PPM1H: variants seen among roughly 807,000 people sequenced by gnomAD.
PPM1H encodes protein phosphatase 1H.
A neutral mutation model predicts 54.9 loss-of-function variants in PPM1H; 27 were observed. The observed-to-expected ratio is 0.49, with a 90% CI of 0.36 to 0.68. The LOEUF is 0.68. Among genes scored for constraint, PPM1H ranks in the 30% least tolerant of loss-of-function variants. The pLI is 0.00. For synonymous variants in PPM1H, 305 were observed against 270.8 expected (o/e 1.13, Z -1.24); for missense variants, 596 against 667.8 (o/e 0.89, Z 1.19).
At chr12:62,677,769 A>G (rs1461544960) in intron 8 of PPM1H, among the ~76,000 whole-genome samples, 3 of 152,198 alleles carry the variant, frequency 2.0e-5, no homozygotes, top group African/African-American at 7.2e-5. Context: ...CACCAGCCAC[A>G]GTGGTTTCCG....
At chr12:62,737,225 A>AC (rs1316696479) in intron 5 of PPM1H, among the ~76,000 whole-genome samples, 4 of 151,052 alleles carry the variant, frequency 2.6e-5, no homozygotes, top group Non-Finnish European at 4.4e-5. Flanking sequence ...ATTAAAAAAA[A>AC]AAAAAAACAA....
chr12:62,817,471 CAA>C (rs2076878078), intron 2 of PPM1H, among the ~76,000 whole-genome samples: 2 of 127,900 alleles, frequency 1.6e-5, no homozygotes, highest in African/African-American at 5.5e-5. Flanking sequence ...CAAAAAAAAA[CAA>C]ACAAACAAAC....
In PPM1H at chr12:62,844,128, C is replaced by T. The variant is rs1466909077; in HGVS notation, c.246-11849G>A. 1.3e-5 allele frequency among the ~76,000 whole-genome samples: 2 copies of T among 152,316 alleles called. No homozygotes were observed. Among genetic ancestry groups the T allele is most frequent in the East Asian group, 3.9e-4 (2 of 5,192 alleles). On this transcript the variant is annotated intron_variant, in intron 1 of 9. Transcript: ENST00000228705. This position sits in a 1 kb window ranked among gnomAD's most constrained non-coding sequence, Gnocchi z 5.2. ...ATTATGATTAAGCATCGAGTTTATT[C>T]CAGCGCAGTGCAAAGCTTAAGAACA...
At chr12:62,653,720 T>A (rs1375509050) in intron 9 of PPM1H, among the ~76,000 whole-genome samples, 1 of 152,158 alleles carries the variant, frequency 6.6e-6, no homozygotes, top group Non-Finnish European at 1.5e-5. Context: ...TGAGGGGCAG[T>A]ATGGATTTCT....
In PPM1H at chr12:62,778,495, C is replaced by T. The variant is rs1361047930; in HGVS notation, c.869+9731G>A. 5.9e-5 allele frequency among the ~76,000 whole-genome samples: 9 copies of T among 152,168 alleles called. No homozygotes were observed. In the South Asian group the frequency reaches 1.0e-3, roughly 18 times the overall value. On this transcript the variant is annotated intron_variant, in intron 4 of 9. Transcript: ENST00000228705. ...CCTTCTGTCTCACTGGATGGAGATG[C>T]CTCAAGAGCTCTTGGAAGCCAAGAG...
intron 1 of PPM1H, among the ~76,000 whole-genome samples, chr12:62,864,857 T>A (rs1323026660): frequency 6.6e-6 from 1 of 152,246 alleles, no homozygotes; most frequent in Non-Finnish European, 1.5e-5. Context: ...TTGAGTAAAC[T>A]GTTTCCCCTG....
chr12:62,918,555 T>A (rs1250010494), intron 1 of PPM1H, among the ~76,000 whole-genome samples: 1 of 152,124 alleles, frequency 6.6e-6, no homozygotes, highest in Non-Finnish European at 1.5e-5. Context: ...TGATCTTTTC[T>A]AACTATTAAA....
chr12:62,669,938 A>T (rs1453349683), intron 8 of PPM1H, among the ~76,000 whole-genome samples: 1 of 139,514 alleles, frequency 7.2e-6, no homozygotes, highest in Non-Finnish European at 1.5e-5. Flanking sequence ...CCCAGTCTTT[A>T]AAAAAAAAAT....
At chr12:62,908,051 G>A (rs2121132246) in intron 1 of PPM1H, among the ~76,000 whole-genome samples, 1 of 152,326 alleles carries the variant, frequency 6.6e-6, no homozygotes, top group Middle Eastern at 3.4e-3. Flanking sequence ...TATTGACGAT[G>A]AGTACAGGAC....
chr12:62,666,906 G>T (rs1435881712), intron 9 of PPM1H, among the ~76,000 whole-genome samples: 1 of 152,106 alleles, frequency 6.6e-6, no homozygotes, highest in African/African-American at 2.4e-5. Flanking sequence ...TAGAGACAGG[G>T]TTTCACCATG....
chr12:62,786,456 T>G (rs543208965), intron 4 of PPM1H, among the ~76,000 whole-genome samples: 1 of 152,340 alleles, frequency 6.6e-6, no homozygotes, highest in Non-Finnish European at 1.5e-5. Context: ...ATCAGCTGGC[T>G]TCCTGCTGGG....
intron 1 of PPM1H, among the ~76,000 whole-genome samples, chr12:62,884,501 C>CA (rs6144736): frequency 0.5 from 44,599 of 89,612 alleles, 9,761 homozygotes; most frequent in Middle Eastern, 0.65. Context: ...AACTCCATAT[C>CA]AAAAAAAAAA....
At chr12:62,671,457 GTACGCTTTTATTGCA>G (rs2075956346) in intron 8 of PPM1H, among the ~76,000 whole-genome samples, 2 of 152,166 alleles carry the variant, frequency 1.3e-5, no homozygotes, top group Admixed American at 1.3e-4. Flanking sequence ...GCTGCCTTCA[GTACGCTTTTATTGCA>G]TACTTGCTGT....
chr12:62,798,065 T>C (rs748374531), intron 3 of PPM1H, among the ~76,000 whole-genome samples: 36 of 152,170 alleles, frequency 2.4e-4, no homozygotes, highest in Non-Finnish European at 4.0e-4. Context: ...AAAAGGTATC[T>C]GAGACAGGTC....
intron 3 of PPM1H, among the ~76,000 whole-genome samples, chr12:62,792,377 C>G (rs930118486): frequency 2.0e-5 from 3 of 152,230 alleles, no homozygotes; most frequent in African/African-American, 7.2e-5. Flanking sequence ...TACATTCCCT[C>G]TGTAGCTCCC....
At chr12:62,791,115 G>T (rs1310464908) in intron 3 of PPM1H, among the ~76,000 whole-genome samples, 3 of 152,084 alleles carry the variant, frequency 2.0e-5, no homozygotes, top group African/African-American at 7.2e-5. Flanking sequence ...CCTTACCTCT[G>T]CCTTAATATG....
At chr12:62,781,146 A>G (rs1214700092) in intron 4 of PPM1H, among the ~76,000 whole-genome samples, 1 of 152,240 alleles carries the variant, frequency 6.6e-6, no homozygotes, top group Non-Finnish European at 1.5e-5. Flanking sequence ...GGGATAGGAT[A>G]GGATGCTTCA....
intron 1 of PPM1H, among the ~76,000 whole-genome samples, chr12:62,839,271 G>A (rs1034801553): frequency 1.1e-4 from 17 of 152,286 alleles, no homozygotes; most frequent in African/African-American, 3.9e-4. Flanking sequence ...CTGTGGCTAA[G>A]AGCAGTGACC....
At chr12:62,743,073 G>A (rs1054987484) in intron 4 of PPM1H, among the ~76,000 whole-genome samples, 5 of 152,154 alleles carry the variant, frequency 3.3e-5, no homozygotes, top group Non-Finnish European at 7.4e-5. Flanking sequence ...AACTCAGGCC[G>A]GGCGCAGTGG....
Sources: allele counts gnomAD v4.1 joint callset (sites outside exome capture counted in the v4.1 genomes callset), GRCh38; gene constraint gnomAD v4.1.1; non-coding constraint Gnocchi (gnomAD v3.1); transcripts MANE v1.5; gene names NCBI Gene and HGNC (gene_info 2026-07-23, HGNC 2026-07-21).